RBFOX3: variants seen among roughly 807,000 people sequenced by gnomAD.
The protein encoded by RBFOX3 is RNA binding fox-1 homolog 3.
RBFOX3 carries 17 observed loss-of-function variants against 48.7 expected under a neutral mutation model. That is an observed-to-expected ratio of 0.35 (90% CI 0.24 to 0.52). The LOEUF (loss-of-function observed/expected upper bound fraction) is 0.52. Ranked by LOEUF, RBFOX3 falls within the 20% of genes least tolerant of loss-of-function variation. The pLI is 0.94. For synonymous variants in RBFOX3, 212 were observed against 209.5 expected, an observed-to-expected ratio of 1.01 and a Z score of -0.10; for missense variants, 382 against 497.5, an observed-to-expected ratio of 0.77 and a Z score of 2.21.
Position 79,423,519 on chromosome 17 carries a change from C to A in RBFOX3, c.-175+58935G>T, listed in dbSNP as rs1282847303. On this transcript the variant is annotated intron_variant, in intron 2 of 14. Transcript: ENST00000693108. The surrounding 1 kb of genome is among the most constrained non-coding windows in gnomAD (Gnocchi z 4.9). ...AGAAGTCACATCCTGCCAGCGCTGC[C>A]GGTACCCAGCACCTGGGGTTCTCCG... Among the ~76,000 whole-genome samples, 1 of 152,096 alleles carries A rather than the reference C, an allele frequency of 6.6e-6. No homozygotes were observed. The highest frequency in any genetic ancestry group is 1.5e-5 in the Non-Finnish European group (1 of 68,018).
At chr17:79,331,013 C>T (rs943075643) in intron 2 of RBFOX3, among the ~76,000 whole-genome samples, 11 of 152,118 alleles carry the variant, frequency 7.2e-5, no homozygotes, top group Non-Finnish European at 1.5e-4. Context: ...GCTAACTGAC[C>T]GGTATGCTTA....
At chr17:79,182,520 A>G (rs1212920104) in intron 4 of RBFOX3, among the ~76,000 whole-genome samples, 1 of 151,276 alleles carries the variant, frequency 6.6e-6, no homozygotes, top group Non-Finnish European at 1.5e-5. Context: ...GCAGCGCAGG[A>G]CCCCCGTCCC....
chr17:79,318,772 G>A (rs1346459628), intron 2 of RBFOX3, among the ~76,000 whole-genome samples: 3 of 144,488 alleles, frequency 2.1e-5, no homozygotes, highest in Non-Finnish European at 4.5e-5. Flanking sequence ...GGAGAATGGT[G>A]TGAACCCGGG....
chr17:79,214,606 G>C lies in RBFOX3; in HGVS notation c.-34+21160C>G, dbSNP rs746115473. Among the ~76,000 whole-genome samples, 1 of 152,004 alleles carries C rather than the reference G, an allele frequency of 6.6e-6. No individual in the cohort carries two copies. Among genetic ancestry groups the C allele is most frequent in the Admixed American group, 6.5e-5 (1 of 15,272 alleles). On this transcript the variant is annotated intron_variant, in intron 4 of 14. Coordinates refer to ENST00000693108, the MANE Select transcript of RBFOX3 (RefSeq NM_001350451.2). The surrounding 1 kb of genome is among the most constrained non-coding windows in gnomAD (Gnocchi z 4.7). ...GCAGGAAGGGTTGGCCTCTGTGGCT[G>C]TCCAGGGAGAGAGAGGAGGAGCCCA...
intron 2 of RBFOX3, among the ~76,000 whole-genome samples, chr17:79,335,182 C>CT (rs2081003044): frequency 6.6e-6 from 1 of 152,206 alleles, no homozygotes; most frequent in Non-Finnish European, 1.5e-5. Flanking sequence ...CCAGCTTCTC[C>CT]TGCCCCCAGA....
chr17:79,523,138 G>A (rs2086345201), intron 1 of RBFOX3, among the ~76,000 whole-genome samples: 1 of 151,524 alleles, frequency 6.6e-6, no homozygotes, highest in African/African-American at 2.4e-5. Flanking sequence ...TGGTGGGGGG[G>A]CGGGTGGTTT....
At chr17:79,306,091 C>T (rs552627322) in intron 3 of RBFOX3, among the ~76,000 whole-genome samples, 37 of 152,338 alleles carry the variant, frequency 2.4e-4, no homozygotes, top group African/African-American at 7.7e-4. Context: ...GGAATCTAGC[C>T]GATAGGGCTC....
chr17:79,128,365 T>C lies in RBFOX3; in HGVS notation c.-33-12617A>G, dbSNP rs140684279. On this transcript the variant is annotated intron_variant, in intron 4 of 14. Coordinates refer to ENST00000693108, the MANE Select transcript of RBFOX3 (RefSeq NM_001350451.2). ...ATCGTGAGCGTTTTCTACGACCCAC[T>C]GAGGTCCCAGAAGCAGGTTTTCCCC... Among the ~76,000 whole-genome samples the C allele has an allele frequency of 3.0e-3, 462 of 152,282 alleles. 2 individuals carry two copies. Among genetic ancestry groups the C allele is most frequent in the Non-Finnish European group, 5.7e-3 (389 of 68,008 alleles).
At chr17:79,415,712 G>A (rs796937602) in intron 2 of RBFOX3, among the ~76,000 whole-genome samples, 23 of 152,316 alleles carry the variant, frequency 1.5e-4, no homozygotes, top group African/African-American at 4.1e-4. Context: ...GGGCTGGGGC[G>A]GAGTCGGCTC....
At chr17:79,595,278 G>A (rs2093538675) in intron 1 of RBFOX3, among the ~76,000 whole-genome samples, 1 of 152,172 alleles carries the variant, frequency 6.6e-6, no homozygotes, top group Non-Finnish European at 1.5e-5. Flanking sequence ...GCAGACTTGG[G>A]TCCCCAGCCC....
chr17:79,544,870 C>T (rs963823385), intron 1 of RBFOX3, among the ~76,000 whole-genome samples: 11 of 151,586 alleles, frequency 7.3e-5, no homozygotes, highest in Admixed American at 6.6e-4. Context: ...CCCCAACACC[C>T]GCACCCCAAA....
At chr17:79,268,107 C>T (rs892997295) in intron 3 of RBFOX3, among the ~76,000 whole-genome samples, 1 of 152,026 alleles carries the variant, frequency 6.6e-6, no homozygotes, top group African/African-American at 2.4e-5. Flanking sequence ...CTCCTGGAGG[C>T]GGAGTAGATG....
At chr17:79,629,706 G>T in the RBFOX3 span, among the ~76,000 whole-genome samples, 1 of 152,132 alleles carries the variant, frequency 6.6e-6, no homozygotes, top group Non-Finnish European at 1.5e-5. Flanking sequence ...TTATGTACTA[G>T]AATATTTGCA....
chr17:79,630,781 C>T, the RBFOX3 span, among the ~76,000 whole-genome samples: 166 of 152,328 alleles, frequency 1.1e-3, no homozygotes, highest in East Asian at 0.025. Flanking sequence ...TGTATTTTCT[C>T]GTTTAACCCT....
rs768642551 is a variant in RBFOX3 at position 79,477,008 on chromosome 17, G to A, written c.-175+5446C>T. 3.9e-5 allele frequency among the ~76,000 whole-genome samples: 6 copies of A among 151,990 alleles called. No homozygotes were observed. The highest frequency in any genetic ancestry group is 7.2e-5 in the African/African-American group (3 of 41,394). On this transcript the variant is annotated intron_variant, in intron 2 of 14. Transcript: ENST00000693108. The surrounding 1 kb of genome is among the most constrained non-coding windows in gnomAD (Gnocchi z 4.8). ...AGCACTTTGGGAGGCCTAGGTGGGT[G>A]GATCACTTGAGGTCAGGAGTTCGAG...
chr17:79,122,287 A>G (rs531202790), intron 4 of RBFOX3, among the ~76,000 whole-genome samples: 1 of 152,128 alleles, frequency 6.6e-6, no homozygotes, highest in Non-Finnish European at 1.5e-5. Context: ...TGTCCTCTGC[A>G]CAGTAGAACC....
intron 2 of RBFOX3, among the ~76,000 whole-genome samples, chr17:79,336,974 G>A (rs540168961): frequency 6.6e-6 from 1 of 152,274 alleles, no homozygotes; most frequent in South Asian, 2.1e-4. Context: ...ACAAAAATTA[G>A]CTGGGCATGG....
intron 3 of RBFOX3, among the ~76,000 whole-genome samples, chr17:79,266,823 C>T (rs1343547441): frequency 1.3e-5 from 2 of 152,168 alleles, no homozygotes; most frequent in Non-Finnish European, 2.9e-5. Flanking sequence ...GGTGGAGCTT[C>T]CTGCTTGGCG....
intron 4 of RBFOX3, among the ~76,000 whole-genome samples, chr17:79,126,000 C>G (rs757925132): frequency 6.6e-6 from 1 of 152,252 alleles, no homozygotes; most frequent in Non-Finnish European, 1.5e-5. Flanking sequence ...ACTACCACCC[C>G]CTGCACATTT....
Sources: gnomAD v4.1 joint callset for allele counts (sites outside exome capture counted in the v4.1 genomes callset) on GRCh38, gnomAD v4.1.1 for gene constraint, Gnocchi (gnomAD v3.1) non-coding constraint, MANE v1.5 for transcripts, NCBI Gene and HGNC (gene_info 2026-07-23, HGNC 2026-07-21) for gene names.